Variants in CAPRIN2 observed in about 807,000 individuals in gnomAD.
The protein encoded by CAPRIN2 is caprin-2.
A neutral mutation model predicts 130.4 loss-of-function variants in CAPRIN2; 66 were observed. The observed-to-expected ratio is 0.51, with a 90% CI of 0.42 to 0.62. CAPRIN2 has a LOEUF of 0.62. Among genes scored for constraint, CAPRIN2 ranks in the 20% least tolerant of loss-of-function variants. The pLI is 0.00. For missense variants in CAPRIN2, 1,185 were observed against 1,246.6 expected (o/e 0.95, Z 0.74); for synonymous variants, 471 against 444.1 (o/e 1.06, Z -0.76).
intron 14 of CAPRIN2, among the ~76,000 whole-genome samples, chr12:30,714,534 A>C (rs1313207891): frequency 6.6e-6 from 1 of 152,218 alleles, no homozygotes; most frequent in Non-Finnish European, 1.5e-5. Flanking sequence ...ACTTGGAACC[A>C]TAACAACAGT....
intron 3 of CAPRIN2, among the ~76,000 whole-genome samples, chr12:30,735,880 C>T (rs1230871367): frequency 6.6e-6 from 1 of 152,130 alleles, no homozygotes; most frequent in Non-Finnish European, 1.5e-5. Flanking sequence ...ATGATACACA[C>T]CTGTAATCCC....
intron 15 of CAPRIN2, chr12:30,711,907 C>A (rs746094352): frequency 1.8e-6 from 1 of 551,558 alleles, no homozygotes; most frequent in Non-Finnish European, 3.4e-6. Context: ...GTAAAAGATA[C>A]AATGCTAGGT....
chr12:30,751,847 G>T (rs2074039477), intron 1 of CAPRIN2, among the ~76,000 whole-genome samples: 1 of 150,482 alleles, frequency 6.6e-6, no homozygotes, highest in Admixed American at 6.6e-5. Context: ...GATACTTAAG[G>T]AAATTATGAA....
In CAPRIN2 at chr12:30,735,336, T is replaced by G; in HGVS notation, c.571-130A>C. 4 of 750,264 alleles carry G rather than the reference T, an allele frequency of 5.3e-6. No homozygotes were observed. The Admixed American group carries it at 8.9e-5, about 17-fold the overall frequency. 46.5% of individuals were successfully genotyped at this position (750,264 alleles called of 1,614,324 possible). ...ATCTCATGACTGTCAAACTACCAGT[T>G]TAGTCTGTCTCCTTTTTGAGCTAAA... is the stretch of plus-strand genomic sequence containing the variant. On this transcript the variant is annotated intron_variant, in intron 3 of 16. Coordinates refer to ENST00000298892, the Ensembl canonical transcript of CAPRIN2.
intron 7 of CAPRIN2, 89 bp from the exon 9 acceptor site, chr12:30,729,414 T>C: frequency 1.2e-6 from 1 of 860,690 alleles, no homozygotes. Context: ...CTATGTCCTC[T>C]GATCTAAGTT....
chr12:30,709,818 A>G lies in CAPRIN2; in HGVS notation c.*84T>C, dbSNP rs2053709446. ...GGAACAAAAACATTTTCCTAAACCA[A>G]TCAGTCATGAGGGCAAAGACTACTT... On this transcript the variant is annotated 3_prime_UTR_variant, in exon 17 of 17. Coordinates refer to ENST00000298892, the Ensembl canonical transcript of CAPRIN2. The G allele has an allele frequency of 3.4e-6, 5 of 1,456,428 alleles. No homozygotes were observed. The South Asian group carries it at 4.3e-5, about 12-fold the overall frequency. The allele number at this position is 1,456,428 out of a possible 1,614,324, so 90.2% of individuals were successfully genotyped here.
exon 15 of CAPRIN2, chr12:30,713,873 T>G: frequency 6.3e-7 from 1 of 1,593,720 alleles, no homozygotes; most frequent in Non-Finnish European, 8.6e-7. Context: ...GAGTCCTCTA[T>G]AAGTATCAAA....
At chr12:30,733,962 T>C (rs2063582199) in intron 4 of CAPRIN2, among the ~76,000 whole-genome samples, 1 of 152,146 alleles carries the variant, frequency 6.6e-6, no homozygotes, top group South Asian at 2.1e-4. Context: ...CATTAAAGAA[T>C]AGACCAAAAA....
exon 1 of CAPRIN2, chr12:30,753,539 C>T (rs767522818): frequency 6.2e-7 from 1 of 1,614,144 alleles, no homozygotes; most frequent in Non-Finnish European, 8.5e-7. Flanking sequence ...CTCTTTCCTC[C>T]TCTGAATGGC....
intron 2 of CAPRIN2, among the ~76,000 whole-genome samples, chr12:30,743,671 C>G (rs1050795922): frequency 1.3e-5 from 2 of 152,168 alleles, no homozygotes; most frequent in East Asian, 3.9e-4. Flanking sequence ...GAACCTACCT[C>G]ACAAAGATGC....
chr12:30,752,417 T>C (rs2074427808), intron 1 of CAPRIN2, among the ~76,000 whole-genome samples: 1 of 152,102 alleles, frequency 6.6e-6, no homozygotes, highest in Admixed American at 6.5e-5. Flanking sequence ...CGTCAATAGA[T>C]CCTGCTTTGA....
At chr12:30,714,340 C>A (rs1256987710) in intron 14 of CAPRIN2, among the ~76,000 whole-genome samples, 9 of 152,154 alleles carry the variant, frequency 5.9e-5, no homozygotes, top group Non-Finnish European at 1.5e-5. Flanking sequence ...TATCACCATG[C>A]CCAGCTAATA....
exon 8 of CAPRIN2, chr12:30,728,870 C>A (rs754794418): frequency 1.2e-6 from 2 of 1,614,126 alleles, no homozygotes; most frequent in South Asian, 1.1e-5. Context: ...TCTGTTCGCT[C>A]TGCATGGAAG....
intron 7 of CAPRIN2, among the ~76,000 whole-genome samples, chr12:30,730,018 A>C (rs548487666): frequency 2.0e-5 from 3 of 152,182 alleles, no homozygotes; most frequent in Non-Finnish European, 4.4e-5. Flanking sequence ...TTTAATCCTC[A>C]CAATAACCCC....
At chr12:30,721,025 C>A in intron 11 of CAPRIN2, 110 bp from the exon 13 acceptor site, 9 of 720,634 alleles carry the variant, frequency 1.2e-5, no homozygotes, top group Non-Finnish European at 2.3e-5. Context: ...GCACATGTGT[C>A]AAGCACTCTG....
chr12:30,717,822 T>G (rs187041777), intron 12 of CAPRIN2, among the ~76,000 whole-genome samples: 1 of 152,242 alleles, frequency 6.6e-6, no homozygotes, highest in Admixed American at 6.5e-5. Flanking sequence ...ACTCTCTAGC[T>G]CCCTGATTCT....
intron 14 of CAPRIN2, among the ~76,000 whole-genome samples, chr12:30,714,652 C>T (rs2056811496): frequency 6.6e-6 from 1 of 152,146 alleles, no homozygotes; most frequent in South Asian, 2.1e-4. Flanking sequence ...AAATATGATA[C>T]ACTTTTAGCA....
chr12:30,711,462 T>G, intron 16 of CAPRIN2, 104 bp downstream of exon 18: 1 of 902,768 alleles, frequency 1.1e-6, no homozygotes, highest in Non-Finnish European at 1.8e-6. Context: ...CTCAACAAGA[T>G]AAATGCTAAA....
chr12:30,741,682 A>G lies in CAPRIN2; in HGVS notation c.484-576T>C, dbSNP rs186300726. 4.7e-3 allele frequency among the ~76,000 whole-genome samples: 708 copies of G among 152,242 alleles called. 3 individuals are homozygous for G. The highest frequency in any genetic ancestry group is 4.4e-3 in the Non-Finnish European group (302 of 67,970). On this transcript the variant is annotated intron_variant, in intron 2 of 16. Transcript: ENST00000298892. ...GGGGCATTTCATGGGACTTTAACTC[A>G]AATCTATACGGAAGAGAAAGGACCA... is the stretch of plus-strand genomic sequence containing the variant.
Sources: allele counts gnomAD v4.1 joint callset (sites outside exome capture counted in the v4.1 genomes callset), GRCh38; gene constraint gnomAD v4.1.1; transcripts MANE v1.5; gene names NCBI Gene and HGNC (gene_info 2026-07-23, HGNC 2026-07-21).